Variants in SUGCT observed in about 807,000 individuals in gnomAD.
The protein encoded by SUGCT is succinyl-CoA:glutarate-CoA transferase.
In SUGCT, 41 loss-of-function variants were observed where a neutral mutation model predicts 55.0. The ratio of observed to expected loss-of-function variants is 0.74; its 90% confidence interval spans 0.58 to 0.97. The LOEUF is 0.97. Among genes scored for constraint, SUGCT ranks in the 50% least tolerant of loss-of-function variants. The pLI, the probability that SUGCT is intolerant of heterozygous loss-of-function variation, is 0.00. For synonymous variants in SUGCT, 187 were observed against 200.4 expected (o/e 0.93, Z 0.56); for missense variants, 568 against 547.8 (o/e 1.04, Z -0.37).
intron 12 of SUGCT, among the ~76,000 whole-genome samples, chr7:40,605,923 GA>G (rs1365430944): frequency 6.6e-6 from 1 of 152,194 alleles, no homozygotes; most frequent in Non-Finnish European, 1.5e-5. Flanking sequence ...AGCTTGGTGA[GA>G]GGTGGGCTAG....
At chr7:40,943,604 A>G in the SUGCT span, among the ~76,000 whole-genome samples, 1 of 150,574 alleles carries the variant, frequency 6.6e-6, no homozygotes, top group Non-Finnish European at 1.5e-5. Flanking sequence ...TACAAAGGAC[A>G]TGAACTCATC....
intron 12 of SUGCT, among the ~76,000 whole-genome samples, chr7:40,558,031 A>T (rs747627146): frequency 9.2e-5 from 14 of 152,048 alleles, no homozygotes; most frequent in Non-Finnish European, 1.3e-4. Context: ...ATTATTAGTC[A>T]TTAAGGAAAT....
intron 12 of SUGCT, among the ~76,000 whole-genome samples, chr7:40,608,190 G>A (rs1198114461): frequency 6.6e-6 from 1 of 152,156 alleles, no homozygotes; most frequent in Non-Finnish European, 1.5e-5. Flanking sequence ...ACATGAAGTA[G>A]ATCAGGATAT....
chr7:40,763,141 A>G (rs1457116141), intron 13 of SUGCT, among the ~76,000 whole-genome samples: 1 of 152,112 alleles, frequency 6.6e-6, no homozygotes, highest in East Asian at 1.9e-4. Context: ...TATGCATTGT[A>G]TTATACTGTA....
chr7:40,923,161 G>A, the SUGCT span, among the ~76,000 whole-genome samples: 2 of 152,204 alleles, frequency 1.3e-5, no homozygotes, highest in African/African-American at 4.8e-5. Context: ...GCAGTGTTTT[G>A]TCCTGGGTGT....
At chr7:40,716,411 A>G (rs1255855078) in intron 12 of SUGCT, among the ~76,000 whole-genome samples, 1 of 152,226 alleles carries the variant, frequency 6.6e-6, no homozygotes, top group East Asian at 1.9e-4. Context: ...AGAAGGTCCA[A>G]ACAGTTACTT....
intron 13 of SUGCT, among the ~76,000 whole-genome samples, chr7:40,749,992 C>T (rs1787927794): frequency 6.6e-6 from 1 of 152,114 alleles, no homozygotes; most frequent in Non-Finnish European, 1.5e-5. Context: ...GTTTTCAGTA[C>T]ACCCAGAATA....
intron 12 of SUGCT, among the ~76,000 whole-genome samples, chr7:40,607,357 G>C (rs1798578992): frequency 6.6e-6 from 1 of 152,040 alleles, no homozygotes; most frequent in Admixed American, 6.6e-5. Context: ...TCTCACCTAG[G>C]CCTCCCAAGT....
In SUGCT at chr7:40,204,653, A is replaced by G. The variant is rs73314814; in HGVS notation, c.484+9593A>G. On this transcript the variant is annotated intron_variant, in intron 6 of 13. Transcript: ENST00000335693. ...TTAAGAAAATCTTGGAGCCAGGCAC[A>G]TTAACTCATGCCTGTAATACCAGCA... Among the ~76,000 whole-genome samples, 723 of 152,018 alleles carry G rather than the reference A, an allele frequency of 4.8e-3. 7 individuals are homozygous for G. The highest frequency in any genetic ancestry group is 0.016 in the African/African-American group (679 of 41,502).
At chr7:40,835,713 T>G (rs994699347) in intron 13 of SUGCT, among the ~76,000 whole-genome samples, 9 of 152,200 alleles carry the variant, frequency 5.9e-5, no homozygotes, top group Admixed American at 1.3e-4. Context: ...GGATTTGAAG[T>G]AAAGTTTAGT....
At chr7:40,617,028 G>A (rs1363073469) in intron 12 of SUGCT, among the ~76,000 whole-genome samples, 2 of 151,902 alleles carry the variant, frequency 1.3e-5, no homozygotes, top group African/African-American at 4.8e-5. Flanking sequence ...GTGCCACAAG[G>A]CAAATAAGTT....
intron 8 of SUGCT, among the ~76,000 whole-genome samples, chr7:40,289,171 TGAGATGG>T (rs1445709741): frequency 6.6e-6 from 1 of 152,052 alleles, no homozygotes; most frequent in African/African-American, 2.4e-5. Flanking sequence ...TTAAAGATCT[TGAGATGG>T]GAGATTATCT....
intron 12 of SUGCT, among the ~76,000 whole-genome samples, chr7:40,671,950 A>G (rs1233948741): frequency 1.3e-5 from 2 of 152,188 alleles, no homozygotes; most frequent in African/African-American, 4.8e-5. Flanking sequence ...TTTTATAGCT[A>G]CAGTAAACAA....
At chr7:40,815,988 C>T (rs1791651556) in intron 13 of SUGCT, among the ~76,000 whole-genome samples, 1 of 152,202 alleles carries the variant, frequency 6.6e-6, no homozygotes, top group Admixed American at 6.5e-5. Context: ...ATACCACAAT[C>T]TCAGAGGAGC....
At chr7:40,574,651 C>T (rs1279182444) in intron 12 of SUGCT, among the ~76,000 whole-genome samples, 5 of 152,198 alleles carry the variant, frequency 3.3e-5, no homozygotes, top group African/African-American at 9.7e-5. Flanking sequence ...AGGCTGGTCT[C>T]GACCTCGTGA....
intron 8 of SUGCT, among the ~76,000 whole-genome samples, chr7:40,300,933 G>A (rs1794495797): frequency 6.6e-6 from 1 of 152,170 alleles, no homozygotes; most frequent in Non-Finnish European, 1.5e-5. Context: ...GCCATAAAAT[G>A]GCAGTTATAT....
intron 13 of SUGCT, among the ~76,000 whole-genome samples, chr7:40,824,539 T>A (rs1217924886): frequency 6.6e-6 from 1 of 152,148 alleles, no homozygotes; most frequent in Non-Finnish European, 1.5e-5. Flanking sequence ...TATGCATTCG[T>A]TGGGGTACAT....
In SUGCT at chr7:40,509,405, G is replaced by A. The variant is rs1792800283; in HGVS notation, c.1089+13019G>A. Among the ~76,000 whole-genome samples the A allele has an allele frequency of 2.0e-5, 3 of 152,078 alleles. No homozygotes were observed. The East Asian group carries it at 5.8e-4, about 29-fold the overall frequency. On this transcript the variant is annotated intron_variant, in intron 12 of 13. Coordinates refer to ENST00000335693, the MANE Select transcript of SUGCT (RefSeq NM_001193313.2). ...GGAAAAAGACCAATGGTATTTGGCT[G>A]TACCCTTTGGAAACTGTCATTTCTT... is the stretch of plus-strand genomic sequence containing the variant.
the SUGCT span, among the ~76,000 whole-genome samples, chr7:40,945,283 G>T: frequency 6.6e-6 from 1 of 152,228 alleles, no homozygotes; most frequent in Non-Finnish European, 1.5e-5. Context: ...CTACCTCCCA[G>T]TCACATTCCT....
Sources: gnomAD v4.1 joint callset for allele counts (sites outside exome capture counted in the v4.1 genomes callset) on GRCh38, gnomAD v4.1.1 for gene constraint, MANE v1.5 for transcripts, NCBI Gene and HGNC (gene_info 2026-07-23, HGNC 2026-07-21) for gene names.